JAK2: variants seen among roughly 807,000 people sequenced by gnomAD.
The protein encoded by JAK2 is Janus kinase 2.
Under a neutral mutation model 139.3 loss-of-function variants are expected in JAK2, and 86 were observed. That is an observed-to-expected ratio of 0.62 (90% confidence interval 0.52 to 0.74). The LOEUF (loss-of-function observed/expected upper bound fraction) is 0.74. JAK2 is among the 30% of genes least tolerant of loss of function. The pLI is 0.00. For synonymous variants in JAK2, 490 were observed against 437.7 expected (o/e 1.12, Z -1.49); for missense variants, 1,421 against 1,360.3 (o/e 1.04, Z -0.70).
At chr9:5,011,607 A>G (rs1483460844) in intron 2 of JAK2, among the ~76,000 whole-genome samples, 2 of 152,196 alleles carry the variant, frequency 1.3e-5, no homozygotes, top group East Asian at 1.9e-4. Context: ...TTTAAAATAA[A>G]TTCTAATATT....
intron 19 of JAK2, chr9:5,086,202 G>A (rs1820098699): frequency 5.2e-6 from 3 of 576,246 alleles, no homozygotes; most frequent in Non-Finnish European, 6.8e-6. Flanking sequence ...CGCCGCCCCC[G>A]CCACCAGCGC....
chr9:5,002,282 C>G (rs1457080367), intron 2 of JAK2, among the ~76,000 whole-genome samples: 3 of 151,798 alleles, frequency 2.0e-5, no homozygotes, highest in Non-Finnish European at 3.0e-5. Context: ...GCATTTATAG[C>G]TATACATTCT....
Position 5,028,003 on chromosome 9 carries a change from ACCT to A in JAK2, c.227-1775_227-1773del, listed in dbSNP as rs543225434. Among the ~76,000 whole-genome samples the A allele has an allele frequency of 2.0e-5, 3 of 152,150 alleles. No individual in the cohort carries two copies. In the East Asian group the frequency reaches 5.8e-4, roughly 29 times the overall value. On this transcript the variant is annotated intron_variant, in intron 3 of 24. Coordinates refer to ENST00000381652, the MANE Select transcript of JAK2 (RefSeq NM_004972.4). ...AACTCCTGTTAATGTTGACATTTTGACCTCCTCTCATGAACTACAAATGTTTTT... is the reference window on the plus strand; with the variant it reads ...AACTCCTGTTAATGTTGACATTTTGACCTCTCATGAACTACAAATGTTTTT...
At chr9:4,996,378 G>A (rs1178560034) in intron 2 of JAK2, among the ~76,000 whole-genome samples, 2 of 152,056 alleles carry the variant, frequency 1.3e-5, no homozygotes, top group Non-Finnish European at 2.9e-5. Flanking sequence ...TACCTGGGAG[G>A]CAGAGGTTGC....
At chr9:5,055,980 A>G (rs893522966) in intron 8 of JAK2, among the ~76,000 whole-genome samples, 192 bp downstream of exon 8, 3 of 152,036 alleles carry the variant, frequency 2.0e-5, no homozygotes, top group Non-Finnish European at 4.4e-5. Context: ...CCATCTTCCT[A>G]CAGAGTTTCT....
intron 3 of JAK2, among the ~76,000 whole-genome samples, chr9:5,023,289 G>A (rs911441698): frequency 3.9e-5 from 6 of 152,098 alleles, no homozygotes; most frequent in African/African-American, 9.7e-5. Context: ...TATTTCACTC[G>A]ACATAATGAC....
In JAK2 at chr9:5,080,624, C is replaced by T. The variant is rs1046161907; in HGVS notation, c.2375C>T (p.Pro792Leu). Reference sequence around the variant, plus strand: ...ATAAATAATTGTATGGATTATGAACCAGATTTCAGGCCTTCTTTCAGAGCC... The same window carrying T: ...ATAAATAATTGTATGGATTATGAACTAGATTTCAGGCCTTCTTTCAGAGCC... ...NLINNCMDYE[P>L]DFRPSFRAII... Residue 792 changes from proline (P) to leucine (L), a missense_variant, in exon 18 of 25, where the codon CCA becomes CTA. Physicochemically the swap from Pro to Leu is moderately conservative, Grantham distance 98. Coordinates refer to ENST00000381652, the MANE Select transcript of JAK2 (RefSeq NM_004972.4). 1.9e-6 allele frequency: 3 copies of T among 1,607,172 alleles called. No homozygotes were observed. The African/African-American group carries it at 4.1e-5, about 22-fold the overall frequency.
intron 4 of JAK2, among the ~76,000 whole-genome samples, chr9:5,036,116 G>C (rs901981523): frequency 2.4e-4 from 36 of 152,302 alleles, no homozygotes; most frequent in African/African-American, 8.7e-4. Flanking sequence ...AATCATGAGT[G>C]AACTCCCATT....
chr9:5,088,884 A>G (rs868550951), intron 19 of JAK2, among the ~76,000 whole-genome samples: 1 of 152,348 alleles, frequency 6.6e-6, no homozygotes, highest in South Asian at 2.1e-4. Context: ...ACAAGGCCCT[A>G]TCTCCAAATA....
intron 12 of JAK2, among the ~76,000 whole-genome samples, chr9:5,071,693 A>G (rs991684607): frequency 9.9e-5 from 15 of 152,170 alleles, no homozygotes; most frequent in Non-Finnish European, 7.4e-5. Flanking sequence ...GACCCAACTC[A>G]TATCTGAGCT....
intron 4 of JAK2, chr9:5,041,572 A>G (rs1449618595): frequency 1.9e-6 from 1 of 514,970 alleles, no homozygotes; most frequent in Non-Finnish European, 3.9e-6. Context: ...ACGTACCTGC[A>G]CTACGTGCGG....
At chr9:5,107,738 G>C (rs1822084701) in intron 22 of JAK2, among the ~76,000 whole-genome samples, 1 of 151,920 alleles carries the variant, frequency 6.6e-6, no homozygotes, top group African/African-American at 2.4e-5. Flanking sequence ...GTGCCTAGAA[G>C]GCATAATACT....
chr9:4,987,269 T>G (rs549685967), intron 2 of JAK2, among the ~76,000 whole-genome samples: 1 of 152,332 alleles, frequency 6.6e-6, no homozygotes, highest in Non-Finnish European at 1.5e-5. Flanking sequence ...TGTGTGTGTG[T>G]GCCTTTGGTG....
intron 5 of JAK2, among the ~76,000 whole-genome samples, chr9:5,049,992 C>T (rs10974934): frequency 6.6e-6 from 1 of 152,228 alleles, no homozygotes; most frequent in East Asian, 1.9e-4. Flanking sequence ...ATGTGGTCTG[C>T]CATTGACCAA....
intron 2 of JAK2, among the ~76,000 whole-genome samples, chr9:5,009,608 G>T (rs1257022883): frequency 6.6e-6 from 1 of 151,728 alleles, no homozygotes; most frequent in Admixed American, 6.6e-5. Flanking sequence ...TTGTTTTCTG[G>T]TCCATTTTGG....
intron 22 of JAK2, chr9:5,094,400 C>G (rs1268803414): frequency 6.6e-6 from 1 of 152,148 alleles, no homozygotes; most frequent in East Asian, 1.9e-4. Context: ...CTAGCCACAT[C>G]AAGCCTAGCA....
intron 22 of JAK2, among the ~76,000 whole-genome samples, chr9:5,106,718 C>G (rs1437732045): frequency 1.3e-5 from 2 of 152,096 alleles, no homozygotes; most frequent in African/African-American, 4.8e-5. Context: ...ACTATGCAGC[C>G]ATAAACAAGG....
At chr9:5,114,023 C>G (rs1012379678) in intron 22 of JAK2, 1 of 310,724 alleles carries the variant, frequency 3.2e-6, no homozygotes, top group Non-Finnish European at 6.4e-6. Flanking sequence ...ACTGGTCCAT[C>G]GCCTCTCCCA....
rs570567168 is a variant in JAK2, at chr9:5,128,747, C to T, written c.*1956C>T. Among the ~76,000 whole-genome samples, 1 of 151,950 alleles carries T rather than the reference C, an allele frequency of 6.6e-6. No homozygotes were observed. The highest frequency in any genetic ancestry group is 1.9e-4 in the East Asian group (1 of 5,186). On this transcript the variant is annotated 3_prime_UTR_variant, in exon 25 of 25. Coordinates refer to ENST00000381652, the MANE Select transcript of JAK2 (RefSeq NM_004972.4). ...TTTCATTGAGGCTTCGTAAAGTTTTCCATTTTGATTCTGACTACACATAAA... is the reference window on the plus strand; with the variant it reads ...TTTCATTGAGGCTTCGTAAAGTTTTTCATTTTGATTCTGACTACACATAAA...
Sources: allele counts gnomAD v4.1 joint callset (sites outside exome capture counted in the v4.1 genomes callset), GRCh38; gene constraint gnomAD v4.1.1; transcripts MANE v1.5; gene names NCBI Gene and HGNC (gene_info 2026-07-23, HGNC 2026-07-21).